The following BACH2 variants were observed in gnomAD, a reference collection of about 807,000 sequenced individuals.
BACH2 encodes the protein transcription regulator protein BACH2.
In BACH2, 5 loss-of-function variants were observed where a neutral mutation model predicts 61.8. The observed-to-expected ratio is 0.08, with a 90% CI of 0.04 to 0.17. The LOEUF (loss-of-function observed/expected upper bound fraction) is 0.17, where lower values mean the gene tolerates loss of function less well. Ranked by LOEUF, BACH2 falls within the 10% of genes least tolerant of loss-of-function variation. The pLI is 1.00. For synonymous variants in BACH2, 446 were observed against 440.1 expected (o/e 1.01, Z -0.17); for missense variants, 824 against 1,091.1 (o/e 0.76, Z 3.45).
intron 6 of BACH2, among the ~76,000 whole-genome samples, chr6:89,990,511 TA>T (rs1776485022): frequency 6.6e-6 from 1 of 152,066 alleles, no homozygotes. Flanking sequence ...CCAAAATCCA[TA>T]GTCATACTGG....
chr6:90,182,508 T>C (rs1258795573), intron 4 of BACH2, among the ~76,000 whole-genome samples: 1 of 152,216 alleles, frequency 6.6e-6, no homozygotes, highest in African/African-American at 2.4e-5. Flanking sequence ...TCACTGAGGC[T>C]TTGATTATGG....
intron 3 of BACH2, among the ~76,000 whole-genome samples, chr6:90,244,204 G>A (rs1161871444): frequency 6.6e-6 from 1 of 152,174 alleles, no homozygotes; most frequent in East Asian, 1.9e-4. Context: ...TTACAGGCAT[G>A]AGCCACTGCA....
rs1002656018 is a variant in BACH2, at chr6:89,928,073, T to C, written c.*4335A>G. 2 of 152,334 alleles carry C rather than the reference T, an allele frequency of 1.3e-5. No individual in the cohort carries two copies. Among genetic ancestry groups the C allele is most frequent in the Admixed American group, 1.3e-4 (2 of 15,278 alleles). The allele number at this position is 152,334 out of a possible 1,614,324, so 9.4% of individuals were successfully genotyped here. A position where few individuals can be genotyped will look rare whatever the true frequency, so the allele number is the denominator to read the frequency against. On this transcript the variant is annotated 3_prime_UTR_variant, in exon 9 of 9. Transcript: ENST00000257749. ...TTGCACTTCCAACACAGTCTTCAGT[T>C]TGGGGAAGAAACACTAACTCATGAT...
At chr6:89,957,930 T>C (rs1044935751) in intron 6 of BACH2, among the ~76,000 whole-genome samples, 1 of 152,250 alleles carries the variant, frequency 6.6e-6, no homozygotes, top group Non-Finnish European at 1.5e-5. Flanking sequence ...AATTGATTTA[T>C]ACATATATCA....
chr6:90,013,456 T>A (rs1777833504), intron 5 of BACH2, among the ~76,000 whole-genome samples: 1 of 151,776 alleles, frequency 6.6e-6, no homozygotes, highest in African/African-American at 2.4e-5. Context: ...CCCTCTCTCC[T>A]CCCCTTCCTT....
rs77461269 is a variant in BACH2 at position 90,088,443 on chromosome 6, G to A, written c.-13+518C>T. 5.8e-3 allele frequency among the ~76,000 whole-genome samples: 880 copies of A among 152,224 alleles called. 52 individuals carry two copies. In the East Asian group the frequency reaches 0.13, roughly 23 times the overall value. ...CAGAATAATGGCATCAACTGGGCTG[G>A]ACTTCCAAATGTGAAGGTGCTAAGT... On this transcript the variant is annotated intron_variant, in intron 5 of 8. Transcript: ENST00000257749.
At chr6:90,121,681 C>T (rs544489337) in intron 4 of BACH2, among the ~76,000 whole-genome samples, 133 of 152,054 alleles carry the variant, frequency 8.7e-4, no homozygotes, top group Admixed American at 1.4e-3. Context: ...TAGCTGGGAT[C>T]TTACAGGCGT....
At position 90,188,760 on chromosome 6, in the gene BACH2, G is replaced by GAA. The variant is rs57618295; in HGVS notation, c.-162+17807_-162+17808dup. On this transcript the variant is annotated intron_variant, in intron 4 of 8. Transcript: ENST00000257749. Reference sequence around the variant, plus strand: ...TAATAAGGTCTGGTGGCCCCAAAATGAAAAAAAAAAAAAAAAAAAGCGAAA... The same window carrying GAA: ...TAATAAGGTCTGGTGGCCCCAAAATGAAAAAAAAAAAAAAAAAAAAAGCGAAA... Among the ~76,000 whole-genome samples, 258 of 78,744 alleles carry GAA rather than the reference G, an allele frequency of 3.3e-3. 2 individuals carry two copies. Among genetic ancestry groups the GAA allele is most frequent in the African/African-American group, 6.9e-3 (151 of 21,776 alleles). 51.7% of individuals were successfully genotyped at this position (78,744 alleles called of 152,430 possible).
intron 4 of BACH2, among the ~76,000 whole-genome samples, chr6:90,140,568 C>G (rs1001725476): frequency 1.3e-5 from 2 of 152,158 alleles, no homozygotes; most frequent in East Asian, 3.8e-4. Context: ...CATGGTACTA[C>G]AGAAACACTT....
intron 5 of BACH2, chr6:90,080,705 A>G: frequency 1.0e-6 from 1 of 964,796 alleles, no homozygotes; most frequent in Non-Finnish European, 1.2e-6. Context: ...CAACAAAATC[A>G]TCAGAATCAT....
At chr6:90,102,563 T>C (rs1295525870) in intron 4 of BACH2, among the ~76,000 whole-genome samples, 1 of 151,896 alleles carries the variant, frequency 6.6e-6, no homozygotes, top group Non-Finnish European at 1.5e-5. Context: ...CCAAGGCTGG[T>C]GGATCACTTG....
At chr6:90,172,280 C>T (rs1405232689) in intron 4 of BACH2, among the ~76,000 whole-genome samples, 4 of 140,812 alleles carry the variant, frequency 2.8e-5, no homozygotes, top group Admixed American at 1.5e-4. Context: ...CACTACAGCC[C>T]GGGTGACAGA....
chr6:90,248,395 T>C (rs1271021952), intron 3 of BACH2, among the ~76,000 whole-genome samples: 2 of 152,114 alleles, frequency 1.3e-5, no homozygotes, highest in African/African-American at 4.8e-5. Flanking sequence ...GCAGACAAAA[T>C]AGCCGTGATC....
chr6:90,120,797 G>A (rs989344626), intron 4 of BACH2, among the ~76,000 whole-genome samples: 1 of 152,110 alleles, frequency 6.6e-6, no homozygotes, highest in South Asian at 2.1e-4. Flanking sequence ...AATACTGAAT[G>A]TTCTCTCTCG....
intron 4 of BACH2, among the ~76,000 whole-genome samples, chr6:90,165,441 A>G (rs1767575958): frequency 6.6e-6 from 1 of 152,220 alleles, no homozygotes; most frequent in Non-Finnish European, 1.5e-5. Flanking sequence ...TTCCATGCTC[A>G]TGGGTAGGAA....
At chr6:89,964,734 TG>T (rs1174745379) in intron 6 of BACH2, among the ~76,000 whole-genome samples, 4 of 152,182 alleles carry the variant, frequency 2.6e-5, no homozygotes, top group Non-Finnish European at 2.9e-5. Flanking sequence ...ATTCTGTACA[TG>T]GGAATAGGAA....
chr6:90,127,199 T>C (rs948889021), intron 4 of BACH2, among the ~76,000 whole-genome samples: 1 of 152,226 alleles, frequency 6.6e-6, no homozygotes, highest in African/African-American at 2.4e-5. Context: ...CCATACACAC[T>C]GAAGTTGCTC....
chr6:90,286,397 G>A (rs1052582470), intron 1 of BACH2, among the ~76,000 whole-genome samples: 23 of 152,006 alleles, frequency 1.5e-4, no homozygotes, highest in African/African-American at 3.6e-4. Flanking sequence ...CGTTTTATAC[G>A]GGACCTAAAA....
intron 4 of BACH2, among the ~76,000 whole-genome samples, chr6:90,155,429 A>G (rs1284780740): frequency 1.3e-5 from 2 of 152,224 alleles, no homozygotes; most frequent in Non-Finnish European, 2.9e-5. Context: ...CTAAGAATAG[A>G]TAACCTGAGA....
Sources: gnomAD v4.1 joint callset for allele counts (sites outside exome capture counted in the v4.1 genomes callset) on GRCh38, gnomAD v4.1.1 for gene constraint, MANE v1.5 for transcripts, NCBI Gene and HGNC (gene_info 2026-07-23, HGNC 2026-07-21) for gene names.